VPS8: variants seen among roughly 807,000 people sequenced by gnomAD.
VPS8 encodes the protein vacuolar protein sorting-associated protein 8 homolog.
In VPS8, 129 loss-of-function variants were observed where a neutral mutation model predicts 216.4. The observed-to-expected ratio is 0.60, with a 90% CI of 0.52 to 0.69. The LOEUF is 0.69. Among genes scored for constraint, VPS8 ranks in the 30% least tolerant of loss-of-function variants. The probability of loss-of-function intolerance (pLI) is 0.00; values close to 1 mark genes in which losing one functional copy is unlikely to be tolerated. For missense variants in VPS8, 1,531 were observed against 1,683.5 expected, an observed-to-expected ratio of 0.91 and a Z score of 1.59; for synonymous variants, 571 against 565.4, an observed-to-expected ratio of 1.01 and a Z score of -0.14.
chr3:184,915,545 G>C, intron 28 of VPS8, 71 bp downstream of exon 28: 1 of 1,505,202 alleles, frequency 6.6e-7, no homozygotes, highest in Non-Finnish European at 9.1e-7. Flanking sequence ...GGGTGTGGTG[G>C]CTCACCCCTG....
chr3:184,828,443 C>G (rs1190677581), intron 3 of VPS8, among the ~76,000 whole-genome samples: 1 of 152,022 alleles, frequency 6.6e-6, no homozygotes, highest in Non-Finnish European at 1.5e-5. Flanking sequence ...CTGGCCGATG[C>G]TTTTTAAAGT....
chr3:184,880,055 C>T (rs753232993), intron 21 of VPS8, among the ~76,000 whole-genome samples: 11 of 152,082 alleles, frequency 7.2e-5, no homozygotes, highest in Admixed American at 2.0e-4. Context: ...CAGTTAGTGG[C>T]AGGCATAAAA....
At chr3:184,926,504 G>T in intron 30 of VPS8, 90 bp from the exon 31 acceptor site, 1 of 1,339,578 alleles carries the variant, frequency 7.5e-7, no homozygotes, top group South Asian at 1.4e-5. Flanking sequence ...GAATGAGTTG[G>T]TTATTTGAAA....
intron 21 of VPS8, among the ~76,000 whole-genome samples, chr3:184,871,749 A>G (rs986617684): frequency 6.6e-6 from 1 of 152,100 alleles, no homozygotes. Context: ...TTTTTGGTTT[A>G]CATTAATGGA....
chr3:185,050,223 G>A (rs11918442), intron 47 of VPS8, among the ~76,000 whole-genome samples: 72,290 of 150,802 alleles, frequency 0.48, 17,586 homozygotes, highest in East Asian at 0.67. Flanking sequence ...TCAAGGCATC[G>A]TACATAACAG....
At position 185,052,140 on chromosome 3, in the gene VPS8, T is replaced by A; in HGVS notation, c.*115T>A. The A allele has an allele frequency of 7.9e-7, 1 of 1,270,304 alleles. No individual in the cohort carries two copies. Among genetic ancestry groups the A allele is most frequent in the Non-Finnish European group, 1.0e-6 (1 of 952,398 alleles). The allele number at this position is 1,270,304 out of a possible 1,614,324, so 78.7% of individuals were successfully genotyped here. Reference sequence around the variant, plus strand: ...ACCTCCCACGCTTCTGAGAAGAGGTTCCAAATTGGGCTTCTGTGCCCAGAG... The same window carrying A: ...ACCTCCCACGCTTCTGAGAAGAGGTACCAAATTGGGCTTCTGTGCCCAGAG... On this transcript the variant is annotated 3_prime_UTR_variant, in exon 48 of 48. Transcript: ENST00000625842.
At chr3:185,017,336 C>G (rs890904565) in intron 45 of VPS8, among the ~76,000 whole-genome samples, 3 of 152,114 alleles carry the variant, frequency 2.0e-5, no homozygotes, top group Non-Finnish European at 4.4e-5. Context: ...CTACCAAACC[C>G]TTAAATTTCT....
rs1017418674 is a variant in VPS8 at position 184,975,578 on chromosome 3, A to G, written c.3420+3826A>G. ...CCTTATTGCTCTAGCTAGGATTTCCAGTACTATGTTGAATAACAGTGGTAA... is the reference window on the plus strand; with the variant it reads ...CCTTATTGCTCTAGCTAGGATTTCCGGTACTATGTTGAATAACAGTGGTAA... On this transcript the variant is annotated intron_variant, in intron 40 of 47. Coordinates refer to ENST00000625842, the MANE Select transcript of VPS8 (RefSeq NM_001009921.3). Among the ~76,000 whole-genome samples, 3 of 152,104 alleles carry G rather than the reference A, an allele frequency of 2.0e-5. 1 individual carries two copies. Among genetic ancestry groups the G allele is most frequent in the Admixed American group, 2.0e-4 (3 of 15,266 alleles).
intron 10 of VPS8, among the ~76,000 whole-genome samples, chr3:184,851,393 A>G (rs530410498): frequency 3.3e-5 from 5 of 152,298 alleles, no homozygotes; most frequent in Middle Eastern, 6.8e-3. Context: ...TAATACTCCT[A>G]CACGTTGTTC....
chr3:185,039,484 T>A (rs954617886), intron 46 of VPS8, among the ~76,000 whole-genome samples: 1 of 151,782 alleles, frequency 6.6e-6, no homozygotes, highest in East Asian at 1.9e-4. Flanking sequence ...AAAAGGGGCA[T>A]TGCTAGCCTG....
At chr3:184,852,889 T>C (rs1560389983) in intron 11 of VPS8, among the ~76,000 whole-genome samples, 1 of 152,200 alleles carries the variant, frequency 6.6e-6, no homozygotes, top group Non-Finnish European at 1.5e-5. Context: ...TTGATTTTAA[T>C]CATAATGGGC....
intron 26 of VPS8, among the ~76,000 whole-genome samples, chr3:184,914,253 C>T (rs1217472792): frequency 2.0e-5 from 3 of 152,192 alleles, no homozygotes; most frequent in Non-Finnish European, 4.4e-5. Context: ...TACGCATTTA[C>T]TTAGTGCTTT....
chr3:185,013,315 G>A (rs1034567686), intron 45 of VPS8, among the ~76,000 whole-genome samples: 2 of 152,230 alleles, frequency 1.3e-5, no homozygotes, highest in African/African-American at 4.8e-5. Flanking sequence ...TTTGCAAAGT[G>A]ATAAAAGCAA....
chr3:184,861,044 A>G (rs1454145305), intron 15 of VPS8, among the ~76,000 whole-genome samples: 2 of 151,910 alleles, frequency 1.3e-5, no homozygotes, highest in African/African-American at 4.8e-5. Context: ...GGATGGTCTC[A>G]ATCTCCTGAC....
At chr3:185,020,763 C>T (rs919176189) in intron 45 of VPS8, among the ~76,000 whole-genome samples, 9 of 152,164 alleles carry the variant, frequency 5.9e-5, no homozygotes, top group Non-Finnish European at 1.3e-4. Context: ...GATACCATTC[C>T]TAGCCCTATT....
At chr3:184,945,967 A>C (rs1008990139) in intron 36 of VPS8, among the ~76,000 whole-genome samples, 4 of 152,204 alleles carry the variant, frequency 2.6e-5, no homozygotes, top group African/African-American at 9.7e-5. Context: ...CCACAGGACC[A>C]CTTTAGTCAT....
intron 4 of VPS8, among the ~76,000 whole-genome samples, chr3:184,834,133 G>C (rs767663722): frequency 4.6e-5 from 7 of 152,198 alleles, no homozygotes; most frequent in Non-Finnish European, 1.0e-4. Context: ...CAGCAGCACA[G>C]GAAAGGTGAG....
intron 46 of VPS8, among the ~76,000 whole-genome samples, chr3:185,026,160 C>T (rs1363462087): frequency 6.6e-6 from 1 of 151,420 alleles, no homozygotes; most frequent in East Asian, 1.9e-4. Context: ...ATTCAACCAA[C>T]CACAGATTGA....
intron 28 of VPS8, among the ~76,000 whole-genome samples, chr3:184,916,610 T>C (rs1317414479): frequency 6.6e-6 from 1 of 152,142 alleles, no homozygotes; most frequent in Non-Finnish European, 1.5e-5. Flanking sequence ...AAATCTGACA[T>C]CAGAAGTAGT....
Sources: gnomAD v4.1 joint callset for allele counts (sites outside exome capture counted in the v4.1 genomes callset) on GRCh38, gnomAD v4.1.1 for gene constraint, MANE v1.5 for transcripts, NCBI Gene and HGNC (gene_info 2026-07-23, HGNC 2026-07-21) for gene names.